The following UBE2E1 variants were observed in gnomAD, a reference collection of about 807,000 sequenced individuals.
UBE2E1 encodes the protein ubiquitin-conjugating enzyme E2 E1.
A neutral mutation model predicts 21.4 loss-of-function variants in UBE2E1; 6 were observed. The observed-to-expected ratio is 0.28, with a 90% CI of 0.15 to 0.55. The LOEUF (loss-of-function observed/expected upper bound fraction) is 0.55, where lower values mean the gene tolerates loss of function less well. Ranked by LOEUF, UBE2E1 falls within the 20% of genes least tolerant of loss-of-function variation. The pLI is 0.93. For missense variants in UBE2E1, 142 were observed against 236.5 expected, an observed-to-expected ratio of 0.60 and a Z score of 2.62; for synonymous variants, 87 against 82.7, an observed-to-expected ratio of 1.05 and a Z score of -0.28.
rs985677589 is a variant in UBE2E1 at position 23,842,209 on chromosome 3, G to GTA, written c.203+30700_203+30701insAT. Among the ~76,000 whole-genome samples, 3 of 96,574 alleles carry GTA rather than the reference G, an allele frequency of 3.1e-5. No homozygotes were observed. Among genetic ancestry groups the GTA allele is most frequent in the Admixed American group, 1.2e-4 (1 of 8,482 alleles). 63.4% of individuals were successfully genotyped at this position (96,574 alleles called of 152,430 possible). The stretch of plus-strand genomic sequence containing the variant: ...CCAGTAAGTGAAGGGGTGTGTGTGT[G>GTA]TGTGTGTGTGTGTGTGTGTGTGTGT... On this transcript the variant is annotated intron_variant, in intron 3 of 5. Transcript: ENST00000306627. The surrounding 1 kb of genome is among the most constrained non-coding windows in gnomAD (Gnocchi z 4.6).
chr3:23,868,889 T>C (rs1382157656), intron 3 of UBE2E1, among the ~76,000 whole-genome samples: 1 of 152,238 alleles, frequency 6.6e-6, no homozygotes, highest in Non-Finnish European at 1.5e-5. Context: ...CTGGATTTCT[T>C]TCCTTGCTTA....
chr3:23,851,259 T>C (rs557940549), intron 3 of UBE2E1, among the ~76,000 whole-genome samples: 2 of 152,344 alleles, frequency 1.3e-5, no homozygotes, highest in Admixed American at 1.3e-4. Context: ...TTTGTATCTA[T>C]CCTTTTGCTG....
chr3:23,824,110 G>C (rs1211769001), intron 3 of UBE2E1, among the ~76,000 whole-genome samples: 1 of 152,158 alleles, frequency 6.6e-6, no homozygotes, highest in Non-Finnish European at 1.5e-5. Context: ...TGTAGATGCG[G>C]GGATTTCTAC....
intron 4 of UBE2E1, chr3:23,888,139 G>C: frequency 2.2e-6 from 1 of 448,090 alleles, no homozygotes; most frequent in African/African-American, 2.0e-5. Flanking sequence ...GGCAGGGCAG[G>C]TCAGGGGGCC....
In UBE2E1 at chr3:23,810,498, G is replaced by A. The variant is rs1323623227; in HGVS notation, c.153-962G>A. 1.3e-6 allele frequency: 2 copies of A among 1,535,712 alleles called. No individual in the cohort carries two copies. The highest frequency in any genetic ancestry group is 4.9e-5 in the East Asian group (2 of 40,842). On this transcript the variant is annotated intron_variant, in intron 2 of 5. Coordinates refer to ENST00000306627, the MANE Select transcript of UBE2E1 (RefSeq NM_003341.5). This position sits in a 1 kb window ranked among gnomAD's most constrained non-coding sequence, Gnocchi z 5.8. The stretch of plus-strand genomic sequence containing the variant: ...ACCATGAAGGAAGTGGGCAGACCCC[G>A]GGAAGTTAGAGGACGCCCGGGGAAA...
intron 2 of UBE2E1, chr3:23,811,106 C>T (rs1699380290): frequency 3.7e-6 from 1 of 269,400 alleles, no homozygotes. Context: ...TGTGATCTCT[C>T]CGTGCTGGGG....
At chr3:23,820,235 C>T (rs1047216554) in intron 3 of UBE2E1, among the ~76,000 whole-genome samples, 1 of 152,172 alleles carries the variant, frequency 6.6e-6, no homozygotes, top group Non-Finnish European at 1.5e-5. Context: ...AACAAAAGAC[C>T]TAGTAACTGG....
intron 3 of UBE2E1, among the ~76,000 whole-genome samples, chr3:23,846,153 G>T (rs1700198324): frequency 6.6e-6 from 1 of 152,224 alleles, no homozygotes; most frequent in Non-Finnish European, 1.5e-5. Context: ...GTAAGAGAAA[G>T]TAGTTCTTAA....
In UBE2E1 at chr3:23,806,571, G is replaced by T. The variant is rs1220042288; in HGVS notation, c.-34+483G>T. On this transcript the variant is annotated intron_variant, in intron 1 of 5. Transcript: ENST00000306627. The surrounding 1 kb of genome is among the most constrained non-coding windows in gnomAD (Gnocchi z 6.5). ...GGAGTGGCGATCGGGCGTGTGCTCCGGACCCCCGCCCGGCCGCATAGCTGT... is the reference window on the plus strand; with the variant it reads ...GGAGTGGCGATCGGGCGTGTGCTCCTGACCCCCGCCCGGCCGCATAGCTGT... Among the ~76,000 whole-genome samples, 1 of 147,564 alleles carries T rather than the reference G, an allele frequency of 6.8e-6. No individual in the cohort carries two copies. The highest frequency in any genetic ancestry group is 2.3e-4 in the South Asian group (1 of 4,410).
chr3:23,876,923 A>C lies in UBE2E1; in HGVS notation c.204-10644A>C, dbSNP rs911364433. Among the ~76,000 whole-genome samples, 3 of 152,202 alleles carry C rather than the reference A, an allele frequency of 2.0e-5. No individual in the cohort carries two copies. The highest frequency in any genetic ancestry group is 7.2e-5 in the African/African-American group (3 of 41,454). On this transcript the variant is annotated intron_variant, in intron 3 of 5. Coordinates refer to ENST00000306627, the MANE Select transcript of UBE2E1 (RefSeq NM_003341.5). The surrounding 1 kb of genome is among the most constrained non-coding windows in gnomAD (Gnocchi z 4.3). The stretch of plus-strand genomic sequence containing the variant: ...GCCAGGTGTGGTGATGCACGCCTGT[A>C]ATCCTAGCAACTCAGGAGGCTGAGA...
At chr3:23,824,956 A>G (rs923530033) in intron 3 of UBE2E1, among the ~76,000 whole-genome samples, 1 of 152,250 alleles carries the variant, frequency 6.6e-6, no homozygotes, top group Non-Finnish European at 1.5e-5. Context: ...CAGACTGTAT[A>G]TATCAATTAT....
At position 23,887,535 on chromosome 3, in the gene UBE2E1, C is replaced by A; in HGVS notation, c.204-32C>A. ...ACTGTAAAAATTGGGATAGTGCCAC[C>A]ATCTGCTTATTTGTTGACGTATTAT... On this transcript the variant is annotated intron_variant, in intron 3 of 5. Transcript: ENST00000306627. This position sits in a 1 kb window ranked among gnomAD's most constrained non-coding sequence, Gnocchi z 4.4. 6.3e-7 allele frequency: 1 copy of A among 1,588,262 alleles called. No individual in the cohort carries two copies. Among genetic ancestry groups the A allele is most frequent in the Non-Finnish European group, 8.5e-7 (1 of 1,171,190 alleles).
chr3:23,825,447 C>G (rs1282487064), intron 3 of UBE2E1, among the ~76,000 whole-genome samples: 1 of 152,140 alleles, frequency 6.6e-6, no homozygotes, highest in Non-Finnish European at 1.5e-5. Context: ...ACTGAAGATA[C>G]AGCAGCAAAA....
intron 3 of UBE2E1, among the ~76,000 whole-genome samples, chr3:23,840,752 G>C (rs1700068481): frequency 6.6e-6 from 1 of 152,148 alleles, no homozygotes; most frequent in Non-Finnish European, 1.5e-5. Flanking sequence ...GTAAATACTT[G>C]ACGGGACCCT....
At chr3:23,817,076 T>C (rs1699537909) in intron 3 of UBE2E1, among the ~76,000 whole-genome samples, 1 of 152,202 alleles carries the variant, frequency 6.6e-6, no homozygotes, top group Admixed American at 6.5e-5. Context: ...GCTTATAGCT[T>C]AGAAGGCAAT....
chr3:23,844,172 C>T (rs1325956539), intron 3 of UBE2E1, among the ~76,000 whole-genome samples: 2 of 152,146 alleles, frequency 1.3e-5, no homozygotes, highest in Non-Finnish European at 2.9e-5. Context: ...CCCCTTCCCC[C>T]AGTAAAGGTT....
Position 23,870,597 on chromosome 3 carries a change from G to T in UBE2E1, c.204-16970G>T, listed in dbSNP as rs1700762409. Among the ~76,000 whole-genome samples, 1 of 152,192 alleles carries T rather than the reference G, an allele frequency of 6.6e-6. No individual in the cohort carries two copies. The highest frequency in any genetic ancestry group is 2.1e-4 in the South Asian group (1 of 4,830). On this transcript the variant is annotated intron_variant, in intron 3 of 5. Transcript: ENST00000306627. The surrounding 1 kb of genome is among the most constrained non-coding windows in gnomAD (Gnocchi z 4.2). ...TGCTATAGTTTATCAGTGAGCTCAG[G>T]AGTTCAAGTGGCTTCTCTTATTTCC...
chr3:23,817,893 T>TA (rs1307002640), intron 3 of UBE2E1, among the ~76,000 whole-genome samples: 2 of 152,204 alleles, frequency 1.3e-5, no homozygotes, highest in African/African-American at 4.8e-5. Flanking sequence ...GGAGAATCAT[T>TA]AAAAACCTTT....
At position 23,887,421 on chromosome 3, in the gene UBE2E1, T is replaced by C; in HGVS notation, c.204-146T>C. ...AATGGCTATGGGTTTGTTGCAGTTC[T>C]GCATCCGTTTCTGTACTTGTTTTGT... On this transcript the variant is annotated intron_variant, in intron 3 of 5. Coordinates refer to ENST00000306627, the MANE Select transcript of UBE2E1 (RefSeq NM_003341.5). The surrounding 1 kb of genome is among the most constrained non-coding windows in gnomAD (Gnocchi z 4.4). 1 of 1,131,294 alleles carries C rather than the reference T, an allele frequency of 8.8e-7. No homozygotes were observed. The highest frequency in any genetic ancestry group is 1.6e-5 in the African/African-American group (1 of 64,312). The allele number at this position is 1,131,294 out of a possible 1,614,324, so 70.1% of individuals were successfully genotyped here.
Sources: allele counts gnomAD v4.1 joint callset (sites outside exome capture counted in the v4.1 genomes callset), GRCh38; gene constraint gnomAD v4.1.1; non-coding constraint Gnocchi (gnomAD v3.1); transcripts MANE v1.5; gene names NCBI Gene and HGNC (gene_info 2026-07-23, HGNC 2026-07-21).